The following VAV2 variants were observed in gnomAD, a reference collection of about 807,000 sequenced individuals.
VAV2 encodes vav guanine nucleotide exchange factor 2.
Under a neutral mutation model 132.5 loss-of-function variants are expected in VAV2, and 67 were observed. The observed-to-expected ratio is 0.51, with a 90% CI of 0.42 to 0.62. VAV2 has a LOEUF of 0.62. VAV2 is among the 20% of genes least tolerant of loss of function. VAV2 has a pLI of 0.00. For synonymous variants in VAV2, 492 were observed against 443.5 expected (o/e 1.11, Z -1.37); for missense variants, 938 against 1,153.6 (o/e 0.81, Z 2.71).
rs199583673 is a variant in VAV2, at chr9:133,787,232, C to T, written c.1422+14G>A. 33 of 1,575,930 alleles carry T rather than the reference C, an allele frequency of 2.1e-5. No homozygotes were observed. Among genetic ancestry groups the T allele is most frequent in the East Asian group, 1.4e-4 (6 of 43,308 alleles). ...ATTGAGGCAGGTGGGAGGACCTGGG[C>T]GCTAGGTGCTTACCATTTTCCCGTG... On this transcript the variant is annotated intron_variant, in intron 16 of 29. Coordinates refer to ENST00000371850, the MANE Select transcript of VAV2 (RefSeq NM_001134398.2).
Position 133,796,439 on chromosome 9 carries a change from A to G in VAV2, c.1022T>C (p.Leu341Pro). The G allele has an allele frequency of 6.2e-7, 1 of 1,613,490 alleles. No individual in the cohort carries two copies. The highest frequency in any genetic ancestry group is 8.5e-7 in the Non-Finnish European group (1 of 1,179,868). ...GGCCCAGAGCCTCACCTTCAAGAGC[A>G]GGTGGTATTTGAGCACCCTCTGCAT... ...VPMQRVLKYH[L>P]LLKELLSHSA... The change falls in exon 11 of 30, where the codon CTG becomes CCG. Residue 341 changes from leucine to proline, a missense_variant. Coordinates refer to ENST00000371850, the MANE Select transcript of VAV2 (RefSeq NM_001134398.2).
intron 3 of VAV2, among the ~76,000 whole-genome samples, chr9:133,835,478 C>G (rs978998510): frequency 1.3e-5 from 2 of 152,184 alleles, no homozygotes; most frequent in Non-Finnish European, 2.9e-5. Context: ...CTGCAGCTGG[C>G]TCAACGCTAT....
Position 133,912,145 on chromosome 9 carries a change from C to T in VAV2, c.321+26958G>A, listed in dbSNP as rs761049288. ...TGTCAGCTGAGCTCAGGACAGCCAC[C>T]AGCTCCCGCTGGTGAACTTAGATCA... On this transcript the variant is annotated intron_variant, in intron 2 of 29. Coordinates refer to ENST00000371850, the MANE Select transcript of VAV2 (RefSeq NM_001134398.2). This position sits in a 1 kb window ranked among gnomAD's most constrained non-coding sequence, Gnocchi z 4.3. 1.3e-5 allele frequency among the ~76,000 whole-genome samples: 2 copies of T among 152,220 alleles called. No individual in the cohort carries two copies. The highest frequency in any genetic ancestry group is 2.4e-5 in the African/African-American group (1 of 41,458).
intron 21 of VAV2, 117 bp downstream of exon 21, chr9:133,779,801 G>T (rs1420605271): frequency 8.6e-6 from 12 of 1,399,562 alleles, no homozygotes; most frequent in Non-Finnish European, 1.1e-5. Context: ...GCATCCAGGA[G>T]CCTGGAGCGT....
chr9:133,803,373 C>G (rs1232467637), intron 9 of VAV2, among the ~76,000 whole-genome samples: 1 of 152,144 alleles, frequency 6.6e-6, no homozygotes, highest in African/African-American at 2.4e-5. Context: ...CTCCTGCCCC[C>G]ACGTCCCCGT....
chr9:133,977,424 A>G (rs960463392), intron 1 of VAV2, among the ~76,000 whole-genome samples: 1 of 152,208 alleles, frequency 6.6e-6, no homozygotes, highest in Non-Finnish European at 1.5e-5. Context: ...TGCGGCGCTC[A>G]TGAGCATGAA....
At position 133,926,452 on chromosome 9, in the gene VAV2, C is replaced by T. The variant is rs1840485240; in HGVS notation, c.321+12651G>A. 6.6e-6 allele frequency: 1 copy of T among 152,288 alleles called. No homozygotes were observed. The highest frequency in any genetic ancestry group is 1.5e-5 in the Non-Finnish European group (1 of 68,114). 9.4% of individuals were successfully genotyped at this position (152,288 alleles called of 1,614,324 possible). ...TGGCTTGCAGCTTTAGATCGTGGGT[C>T]TCCCTTCTGAAAACCCCAGGATAGC... On this transcript the variant is annotated intron_variant, in intron 2 of 29. Transcript: ENST00000371850. The surrounding 1 kb of genome is among the most constrained non-coding windows in gnomAD (Gnocchi z 4.3).
At chr9:133,814,970 G>A (rs1397504530) in intron 4 of VAV2, among the ~76,000 whole-genome samples, 3 of 152,176 alleles carry the variant, frequency 2.0e-5, no homozygotes, top group Non-Finnish European at 2.9e-5. Context: ...GACGTGCCCG[G>A]CTCTGACAAG....
chr9:133,908,245 G>T (rs371196250), intron 2 of VAV2, among the ~76,000 whole-genome samples: 1 of 152,026 alleles, frequency 6.6e-6, no homozygotes, highest in Non-Finnish European at 1.5e-5. Flanking sequence ...GCTCCAAGGG[G>T]CCAGGAGATG....
At position 133,942,930 on chromosome 9, in the gene VAV2, C is replaced by T. The variant is rs71505241; in HGVS notation, c.205-3711G>A. 2.4e-3 allele frequency among the ~76,000 whole-genome samples: 373 copies of T among 152,352 alleles called. 1 individual carries two copies. The highest frequency in any genetic ancestry group is 3.5e-3 in the Non-Finnish European group (239 of 68,028). ...AGACCGGGACAAAGCCTGGGGGCCACGTCAGGCTCCACCTCGAGGGAGGCC... is the reference window on the plus strand; with the variant it reads ...AGACCGGGACAAAGCCTGGGGGCCATGTCAGGCTCCACCTCGAGGGAGGCC... On this transcript the variant is annotated intron_variant, in intron 1 of 29. Transcript: ENST00000371850.
intron 9 of VAV2, among the ~76,000 whole-genome samples, chr9:133,798,182 A>C (rs1588190450): frequency 1.3e-5 from 2 of 151,298 alleles, no homozygotes; most frequent in East Asian, 3.9e-4. Flanking sequence ...AGAAGACCCC[A>C]GGAGGGCTCA....
At position 133,935,202 on chromosome 9, in the gene VAV2, T is replaced by C. The variant is rs992849778; in HGVS notation, c.321+3901A>G. Among the ~76,000 whole-genome samples the C allele has an allele frequency of 6.6e-5, 10 of 150,762 alleles. No individual in the cohort carries two copies. Among genetic ancestry groups the C allele is most frequent in the East Asian group, 1.9e-4 (1 of 5,190 alleles). On this transcript the variant is annotated intron_variant, in intron 2 of 29. Coordinates refer to ENST00000371850, the MANE Select transcript of VAV2 (RefSeq NM_001134398.2). The surrounding 1 kb of genome is among the most constrained non-coding windows in gnomAD (Gnocchi z 5.2). ...TGGAGGCCGCCGAGCTCATTTGGAA[T>C]GGCCAGGGCGTCCCAACTGGGCTGA... is the stretch of plus-strand genomic sequence containing the variant.
At position 133,912,323 on chromosome 9, in the gene VAV2, G is replaced by A. The variant is rs1459864016; in HGVS notation, c.321+26780C>T. Reference sequence around the variant, plus strand: ...AAGGCGGGAAGGCCTTCCAGGTCTGGGAACATGAGACCCGGGCTGAACACG... The same window carrying A: ...AAGGCGGGAAGGCCTTCCAGGTCTGAGAACATGAGACCCGGGCTGAACACG... On this transcript the variant is annotated intron_variant, in intron 2 of 29. Transcript: ENST00000371850. This position sits in a 1 kb window ranked among gnomAD's most constrained non-coding sequence, Gnocchi z 4.3. Among the ~76,000 whole-genome samples the A allele has an allele frequency of 6.6e-6, 1 of 152,170 alleles. No homozygotes were observed. Among genetic ancestry groups the A allele is most frequent in the Non-Finnish European group, 1.5e-5 (1 of 68,030 alleles).
In VAV2 at chr9:133,817,563, G is replaced by A. The variant is rs529474874; in HGVS notation, c.450-5347C>T. ...GTGGAGCTTGCAGTGAGCTGAGATT[G>A]CACCACTGCACTCCAGCCTGGGAGA... is the stretch of plus-strand genomic sequence containing the variant. On this transcript the variant is annotated intron_variant, in intron 4 of 29. Coordinates refer to ENST00000371850, the MANE Select transcript of VAV2 (RefSeq NM_001134398.2). 1.3e-4 allele frequency among the ~76,000 whole-genome samples: 20 copies of A among 152,224 alleles called. No individual in the cohort carries two copies. The South Asian group carries it at 4.1e-3, about 32-fold the overall frequency.
chr9:133,810,259 G>A, intron 5 of VAV2, 54 bp from the exon 6 acceptor site: 1 of 1,610,920 alleles, frequency 6.2e-7, no homozygotes, highest in South Asian at 1.1e-5. Flanking sequence ...GGCCCACACT[G>A]TCCTGGCAAG....
intron 1 of VAV2, 51 bp from the exon 2 acceptor site, chr9:133,939,270 A>C (rs1043018618): frequency 6.5e-7 from 1 of 1,534,258 alleles, no homozygotes; most frequent in Non-Finnish European, 9.0e-7. Context: ...TAAAACTGTA[A>C]GCTCTGTAAA....
intron 2 of VAV2, among the ~76,000 whole-genome samples, chr9:133,887,649 C>G (rs1263714675): frequency 6.6e-6 from 1 of 152,132 alleles, no homozygotes; most frequent in African/African-American, 2.4e-5. Flanking sequence ...CAGCAGAGAC[C>G]CTCCCCAACC....
chr9:133,885,362 A>G lies in VAV2; in HGVS notation c.322-23930T>C, dbSNP rs540146054. Among the ~76,000 whole-genome samples the G allele has an allele frequency of 1.8e-4, 28 of 152,320 alleles. No homozygotes were observed. The East Asian group carries it at 5.0e-3, about 27-fold the overall frequency. Reference sequence around the variant, plus strand: ...CCACAAGTTCAAGGTCGGTGTACTCAGGCATCCCTGTCACATCGATGAGCA... The same window carrying G: ...CCACAAGTTCAAGGTCGGTGTACTCGGGCATCCCTGTCACATCGATGAGCA... On this transcript the variant is annotated intron_variant, in intron 2 of 29. Coordinates refer to ENST00000371850, the MANE Select transcript of VAV2 (RefSeq NM_001134398.2). This position sits in a 1 kb window ranked among gnomAD's most constrained non-coding sequence, Gnocchi z 5.0.
chr9:133,846,024 A>G (rs1319056351), intron 3 of VAV2, among the ~76,000 whole-genome samples: 1 of 152,202 alleles, frequency 6.6e-6, no homozygotes, highest in African/African-American at 2.4e-5. Context: ...TGGGGCCCCA[A>G]TCTTTCCTCT....
Sources: allele counts gnomAD v4.1 joint callset (sites outside exome capture counted in the v4.1 genomes callset), GRCh38; gene constraint gnomAD v4.1.1; non-coding constraint Gnocchi (gnomAD v3.1); transcripts MANE v1.5; gene names NCBI Gene and HGNC (gene_info 2026-07-23, HGNC 2026-07-21).